The following CRTC2 variants were observed in gnomAD, a reference collection of about 807,000 sequenced individuals.
The protein encoded by CRTC2 is CREB regulated transcription coactivator 2.
CRTC2 carries 25 observed loss-of-function variants against 70.9 expected under a neutral mutation model. The observed-to-expected ratio is 0.35, with a 90% CI of 0.26 to 0.49. CRTC2 has a LOEUF of 0.49. Ranked by LOEUF, CRTC2 falls within the 20% of genes least tolerant of loss-of-function variation. The pLI, the probability that CRTC2 is intolerant of heterozygous loss-of-function variation, is 0.98. For synonymous variants in CRTC2, 330 were observed against 364.1 expected (o/e 0.91, Z 1.07); for missense variants, 737 against 882.6 (o/e 0.83, Z 2.09).
In CRTC2 at chr1:153,948,642, C is replaced by T; in HGVS notation, c.1677G>A (p.Leu559=). ...ATGGGCTCTCCATGCTGAACTGCTC[C>T]AGCTATAGACATACAGACAAATCTT... is the stretch of plus-strand genomic sequence containing the variant. The part of the protein sequence containing the change: ...RPMSDFNLGN[L]EQFSMESPSA... Residue 559 remains leucine (L), a splice_region_variant and synonymous_variant, in exon 13 of 14, where the codon CTG becomes CTA. Coordinates refer to ENST00000368633, the MANE Select transcript of CRTC2 (RefSeq NM_181715.3). 4 of 1,575,676 alleles carry T rather than the reference C, an allele frequency of 2.5e-6. No homozygotes were observed. Among genetic ancestry groups the T allele is most frequent in the Non-Finnish European group, 3.4e-6 (4 of 1,162,770 alleles).
In CRTC2 at chr1:153,952,575, T is replaced by G. The variant is rs776237648; in HGVS notation, c.698A>C (p.Lys233Thr). The change falls in exon 8 of 14, where the codon AAG (lysine) becomes ACG (threonine). Residue 233 changes from lysine to threonine, a missense_variant. By Grantham distance (78) the Lys-to-Thr change is moderately conservative. Transcript: ENST00000368633. ...DKHLLKPWDAKKLSSSSSRPR... is the reference protein window; with the variant it reads ...DKHLLKPWDATKLSSSSSRPR... ...CACCCGGTGGCCTCCTCCTACCTTC[T>G]TAGCATCCCATGGCTTCAGCAAATG... is the stretch of plus-strand genomic sequence containing the variant. The G allele has an allele frequency of 5.0e-6, 8 of 1,614,068 alleles. No homozygotes were observed. In the East Asian group the frequency reaches 1.6e-4, roughly 31 times the overall value.
chr1:153,955,135 G>T lies in CRTC2; in HGVS notation c.185C>A (p.Thr62Lys), dbSNP rs1680556309. Residue 62 changes from threonine (T) to lysine (K), a missense_variant, in exon 2 of 14, where the codon ACA (threonine) becomes AAA (lysine). This residue lies in a region of CRTC2 where 699 missense variants were observed against 823.7 expected (regional missense o/e 0.85). Transcript: ENST00000368633. ...AGACCCACCATAATGAGAGCTCCTT[G>T]TGTATGCCAGTCGCAGTTTTTGGGC... is the stretch of plus-strand genomic sequence containing the variant. ...LQAQKLRLAY[T>K]RSSHYGGSLP... 6.2e-7 allele frequency: 1 copy of T among 1,613,924 alleles called. No homozygotes were observed. The highest frequency in any genetic ancestry group is 1.3e-5 in the African/African-American group (1 of 74,922).
Position 153,958,329 on chromosome 1 carries a change from C to A in CRTC2, c.153+16G>T, listed in dbSNP as rs1280758111. ...ACTGCTCAGCTCTGCTCCGGCTCCCCGGCGCGGCCCCTCACCCGGGTGGAG... is the reference window on the plus strand; with the variant it reads ...ACTGCTCAGCTCTGCTCCGGCTCCCAGGCGCGGCCCCTCACCCGGGTGGAG... On this transcript the variant is annotated intron_variant, in intron 1 of 13. Transcript: ENST00000368633. 6.2e-7 allele frequency: 1 copy of A among 1,609,574 alleles called. No individual in the cohort carries two copies. Among genetic ancestry groups the A allele is most frequent in the Non-Finnish European group, 8.5e-7 (1 of 1,178,694 alleles).
Position 153,954,236 on chromosome 1 carries a change from G to T in CRTC2, c.434+19C>A. The T allele has an allele frequency of 6.2e-7, 1 of 1,600,562 alleles. No individual in the cohort carries two copies. Among genetic ancestry groups the T allele is most frequent in the Non-Finnish European group, 8.6e-7 (1 of 1,169,412 alleles). ...CGTCAGAGAGTAGGCAGGAGCTTCT[G>T]CCCGCCCTGGACACTTACCTTCGCC... On this transcript the variant is annotated intron_variant, in intron 4 of 13. Transcript: ENST00000368633.
At chr1:153,950,580 G>A (rs911537392) in intron 11 of CRTC2, among the ~76,000 whole-genome samples, 3 of 152,192 alleles carry the variant, frequency 2.0e-5, no homozygotes, top group African/African-American at 7.2e-5. Context: ...CAGGAAGGGA[G>A]ACAAGGGCTA....
Position 153,955,185 on chromosome 1 carries a change from G to C in CRTC2, c.154-19C>G, listed in dbSNP as rs1680558717. ...CCTGTAACTGAGACATGGGGAACAA[G>C]TGGGAATGTCAGGAGGGTCCTGAGC... On this transcript the variant is annotated intron_variant, in intron 1 of 13. Coordinates refer to ENST00000368633, the MANE Select transcript of CRTC2 (RefSeq NM_181715.3). 6.3e-7 allele frequency: 1 copy of C among 1,584,336 alleles called. No individual in the cohort carries two copies. Among genetic ancestry groups the C allele is most frequent in the African/African-American group, 1.3e-5 (1 of 74,198 alleles).
In CRTC2 at chr1:153,952,618, T is replaced by C. The variant is rs1557869013; in HGVS notation, c.655A>G (p.Asn219Asp). The C allele has an allele frequency of 1.2e-6, 2 of 1,614,118 alleles. No homozygotes were observed. The highest frequency in any genetic ancestry group is 1.7e-6 in the Non-Finnish European group (2 of 1,180,018). ...MDPKVPAIEE[N>D]LLDDKHLLKP... ...AGCAAATGCTTGTCATCTAGCAAGT[T>C]CTCCTCAATAGCAGGTACTTGAAAG... The change falls in exon 8 of 14, where the codon AAC (asparagine) becomes GAC (aspartate). Residue 219 changes from asparagine (N) to aspartate (D), a missense_variant. Physicochemically the swap from Asn to Asp is conservative, Grantham distance 23 (BLOSUM62 1). This residue lies in a region of CRTC2 where 699 missense variants were observed against 823.7 expected (regional missense o/e 0.85). Coordinates refer to ENST00000368633, the MANE Select transcript of CRTC2 (RefSeq NM_181715.3).
Position 153,948,297 on chromosome 1 carries a change from C to T in CRTC2, c.1894G>A (p.Ala632Thr). The change falls in exon 14 of 14, where the codon GCA becomes ACA. Residue 632 changes from alanine to threonine, a missense_variant. Transcript: ENST00000368633. ...CCAGGCACTCCGGCCAGGGCTGCTG[C>T]AATCTCCTTAGAGAAACCTGGAGAG... ...DSSPGFSKEI[A>T]AALAGVPGFE... 6.2e-7 allele frequency: 1 copy of T among 1,614,280 alleles called. No individual in the cohort carries two copies. Among genetic ancestry groups the T allele is most frequent in the South Asian group, 1.1e-5 (1 of 91,092 alleles).
Position 153,951,406 on chromosome 1 carries a change from T to A in CRTC2, c.1258A>T (p.Thr420Ser). The change falls in exon 11 of 14, where the codon ACC becomes TCC. Residue 420 changes from threonine to serine, a missense_variant. This residue lies in a region of CRTC2 where 699 missense variants were observed against 823.7 expected (regional missense o/e 0.85). Transcript: ENST00000368633. ...CGGTGGTGGGGGGAGGCCCCAGGGGTAGAAGCAGGGTAAGAGGGGGCGCCC... is the reference window on the plus strand; with the variant it reads ...CGGTGGTGGGGGGAGGCCCCAGGGGAAGAAGCAGGGTAAGAGGGGGCGCCC... ...VLGAPSYPAS[T>S]PGASPHHRRV... 6.2e-7 allele frequency: 1 copy of A among 1,605,094 alleles called. No individual in the cohort carries two copies. The highest frequency in any genetic ancestry group is 8.5e-7 in the Non-Finnish European group (1 of 1,176,422).
intron 11 of CRTC2, among the ~76,000 whole-genome samples, chr1:153,950,064 C>T (rs1033028670): frequency 1.3e-5 from 2 of 152,146 alleles, no homozygotes; most frequent in African/African-American, 4.8e-5. Flanking sequence ...TCCCCAGTAG[C>T]CAGGACTACA....
At position 153,958,378 on chromosome 1, in the gene CRTC2, G is replaced by A; in HGVS notation, c.120C>T (p.Phe40=). The A allele has an allele frequency of 1.2e-6, 2 of 1,612,934 alleles. No homozygotes were observed. Among genetic ancestry groups the A allele is most frequent in the East Asian group, 2.2e-5 (1 of 44,828 alleles). The change falls in exon 1 of 14, where the codon TTC becomes TTT. Residue 40 remains phenylalanine, a synonymous_variant. Coordinates refer to ENST00000368633, the MANE Select transcript of CRTC2 (RefSeq NM_181715.3). Reference sequence around the variant, plus strand: ...AGCCGATGTCCATCATCACCTCCTCGAAGGCCGCCGTCTCCTCGGCCTGAC... The same window carrying A: ...AGCCGATGTCCATCATCACCTCCTCAAAGGCCGCCGTCTCCTCGGCCTGAC... The part of the protein sequence containing the change: ...KQRQAEETAA[F]EEVMMDIGST...
Position 153,951,685 on chromosome 1 carries a change from A to C in CRTC2, c.998-19T>G, listed in dbSNP as rs751876041. ...TGAAGTCCTGCAGGCACAGACAAAA[A>C]ACCAGAGATGCCAACATTACTGATG... On this transcript the variant is annotated intron_variant, in intron 10 of 13. Coordinates refer to ENST00000368633, the MANE Select transcript of CRTC2 (RefSeq NM_181715.3). The C allele has an allele frequency of 6.2e-7, 1 of 1,611,344 alleles. No individual in the cohort carries two copies. The highest frequency in any genetic ancestry group is 1.1e-5 in the South Asian group (1 of 90,860).
At chr1:153,957,317 G>A (rs768538122) in intron 1 of CRTC2, among the ~76,000 whole-genome samples, 1 of 152,106 alleles carries the variant, frequency 6.6e-6, no homozygotes, top group Non-Finnish European at 1.5e-5. Context: ...AAAGGCTAGA[G>A]ATGTTGTAGT....
intron 1 of CRTC2, chr1:153,958,138 C>T: frequency 7.1e-7 from 1 of 1,414,552 alleles, no homozygotes; most frequent in Non-Finnish European, 9.2e-7. Flanking sequence ...CGCCTCTACA[C>T]CCCGAACCTC....
chr1:153,954,190 G>A lies in CRTC2; in HGVS notation c.434+65C>T, dbSNP rs1207150616. 4.8e-6 allele frequency: 6 copies of A among 1,262,430 alleles called. No individual in the cohort carries two copies. In the African/African-American group the frequency reaches 5.9e-5, roughly 12 times the overall value. The allele number at this position is 1,262,430 out of a possible 1,614,324, so 78.2% of individuals were successfully genotyped here. A position where few individuals can be genotyped will look rare whatever the true frequency, so the allele number is the denominator to read the frequency against. On this transcript the variant is annotated intron_variant, in intron 4 of 13. Transcript: ENST00000368633. ...AGTAATCCCAGCCCCAACCCAGAAG[G>A]GGCAACTCCTTCCAGAAACACGTCA... is the stretch of plus-strand genomic sequence containing the variant.
At chr1:153,956,406 G>A (rs1318446050) in intron 1 of CRTC2, among the ~76,000 whole-genome samples, 1 of 152,200 alleles carries the variant, frequency 6.6e-6, no homozygotes, top group African/African-American at 2.4e-5. Context: ...CTCTGTGAGA[G>A]GTGAGCATCT....
chr1:153,953,007 C>A (rs1680438114), intron 6 of CRTC2, 173 bp from the exon 7 acceptor site: 1 of 779,796 alleles, frequency 1.3e-6, no homozygotes, highest in Non-Finnish European at 2.1e-6. Context: ...GATGGTGAAA[C>A]CCCATCTCTA....
At chr1:153,956,146 A>G (rs189545735) in intron 1 of CRTC2, among the ~76,000 whole-genome samples, 175 of 152,334 alleles carry the variant, frequency 1.1e-3, no homozygotes, top group African/African-American at 3.6e-3. Context: ...CTCCCAAACT[A>G]GAACATCCAA....
At chr1:153,953,670 G>T in intron 4 of CRTC2, 64 bp from the exon 5 acceptor site, 1 of 1,230,262 alleles carries the variant, frequency 8.1e-7, no homozygotes, top group Non-Finnish European at 1.2e-6. Flanking sequence ...TGGGCATAGG[G>T]GTTGGAAAAT....
Sources: gnomAD v4.1 joint callset for allele counts (sites outside exome capture counted in the v4.1 genomes callset) on GRCh38, gnomAD v4.1.1 for gene constraint, gnomAD v4.1.1 regional missense constraint, MANE v1.5 for transcripts, NCBI Gene and HGNC (gene_info 2026-07-23, HGNC 2026-07-21) for gene names.